The following GPC6 variants were observed in gnomAD, a reference collection of about 807,000 sequenced individuals.
GPC6 encodes the protein glypican 6.
A neutral mutation model predicts 55.2 loss-of-function variants in GPC6; 14 were observed. The ratio of observed to expected loss-of-function variants is 0.25; its 90% CI spans 0.17 to 0.40. The LOEUF (loss-of-function observed/expected upper bound fraction) is 0.40. GPC6 is among the 10% of genes least tolerant of loss of function. GPC6 has a pLI of 1.00. For synonymous variants in GPC6, 278 were observed against 259.6 expected, an observed-to-expected ratio of 1.07 and a Z score of -0.68; for missense variants, 641 against 708.5, an observed-to-expected ratio of 0.90 and a Z score of 1.08.
intron 3 of GPC6, among the ~76,000 whole-genome samples, chr13:93,896,489 G>A (rs1179494282): frequency 6.6e-6 from 1 of 151,944 alleles, no homozygotes; most frequent in Non-Finnish European, 1.5e-5. Context: ...CAAGCAAGAA[G>A]GGAAAAATGA....
intron 2 of GPC6, among the ~76,000 whole-genome samples, chr13:93,608,997 G>A (rs751887735): frequency 6.6e-6 from 1 of 152,102 alleles, no homozygotes; most frequent in Non-Finnish European, 1.5e-5. Context: ...TATTGGTAAA[G>A]GCTGACACAT....
At position 93,966,212 on chromosome 13, in the gene GPC6, A is replaced by G. The variant is rs545813268; in HGVS notation, c.712-61517A>G. Among the ~76,000 whole-genome samples the G allele has an allele frequency of 2.8e-4, 43 of 152,312 alleles. 1 individual carries two copies. In the South Asian group the frequency reaches 5.6e-3, roughly 20 times the overall value. On this transcript the variant is annotated intron_variant, in intron 3 of 8. Coordinates refer to ENST00000377047, the MANE Select transcript of GPC6 (RefSeq NM_005708.5). ...AGTGTCACTGGCTGCAGGCAGGCAA[A>G]CCTGCTTACTCAAATCAACTTGACA...
intron 2 of GPC6, among the ~76,000 whole-genome samples, chr13:93,552,681 T>A (rs1365782989): frequency 6.6e-6 from 1 of 152,198 alleles, no homozygotes; most frequent in Non-Finnish European, 1.5e-5. Context: ...ATCATCTTAT[T>A]ATCACCAATT....
At chr13:94,384,879 C>G (rs1381363240) in intron 7 of GPC6, among the ~76,000 whole-genome samples, 1 of 152,146 alleles carries the variant, frequency 6.6e-6, no homozygotes. Context: ...ATAAAAGCTT[C>G]AGTGGTTCTA....
chr13:94,057,590 T>C (rs1179925463), intron 4 of GPC6, among the ~76,000 whole-genome samples: 8 of 152,094 alleles, frequency 5.3e-5, no homozygotes, highest in Admixed American at 5.2e-4. Flanking sequence ...TATTGGGAAA[T>C]AAAAGAGAGG....
rs370668585 is a variant in GPC6 at position 93,295,660 on chromosome 13, T to C, written c.160+68044T>C. Among the ~76,000 whole-genome samples, 21 of 152,140 alleles carry C rather than the reference T, an allele frequency of 1.4e-4. No individual in the cohort carries two copies. In the East Asian group the frequency reaches 4.1e-3, roughly 30 times the overall value. ...TGCGCTCGGGTAATTTTTTTGTATT[T>C]TTAGTAGAGACGGGGTTTCACTGTG... is the stretch of plus-strand genomic sequence containing the variant. On this transcript the variant is annotated intron_variant, in intron 1 of 8. Coordinates refer to ENST00000377047, the MANE Select transcript of GPC6 (RefSeq NM_005708.5).
At position 94,385,453 on chromosome 13, in the gene GPC6, T is replaced by G. The variant is rs1347380517; in HGVS notation, c.1289+2903T>G. On this transcript the variant is annotated intron_variant, in intron 7 of 8. Coordinates refer to ENST00000377047, the MANE Select transcript of GPC6 (RefSeq NM_005708.5). Reference sequence around the variant, plus strand: ...AAGCCATTGGAAGATTTTATGCAGGTGGGAAAATGATCCAGTTTAATGCAA... The same window carrying G: ...AAGCCATTGGAAGATTTTATGCAGGGGGGAAAATGATCCAGTTTAATGCAA... Among the ~76,000 whole-genome samples, 4 of 152,166 alleles carry G rather than the reference T, an allele frequency of 2.6e-5. No individual in the cohort carries two copies. The East Asian group carries it at 7.7e-4, about 29-fold the overall frequency.
intron 2 of GPC6, among the ~76,000 whole-genome samples, chr13:93,677,959 A>G (rs989132028): frequency 6.6e-6 from 1 of 152,156 alleles, no homozygotes; most frequent in Non-Finnish European, 1.5e-5. Context: ...ATTTATCCAC[A>G]TGGATTAAAA....
At chr13:93,628,058 T>C (rs992170472) in intron 2 of GPC6, among the ~76,000 whole-genome samples, 1 of 152,210 alleles carries the variant, frequency 6.6e-6, no homozygotes, top group Non-Finnish European at 1.5e-5. Flanking sequence ...ACCAAAGAAG[T>C]CTTGCTCCAT....
intron 2 of GPC6, among the ~76,000 whole-genome samples, chr13:93,567,814 G>A (rs1876210025): frequency 6.6e-6 from 1 of 152,082 alleles, no homozygotes; most frequent in Admixed American, 6.6e-5. Context: ...TGCTTTATAA[G>A]CACAGAAATT....
At chr13:94,182,279 G>A (rs1315028407) in intron 4 of GPC6, among the ~76,000 whole-genome samples, 3 of 152,080 alleles carry the variant, frequency 2.0e-5, no homozygotes, top group Non-Finnish European at 4.4e-5. Flanking sequence ...CAGAAAGGCT[G>A]ATATGATGAT....
intron 2 of GPC6, among the ~76,000 whole-genome samples, chr13:93,780,755 C>T (rs1213421493): frequency 6.6e-6 from 1 of 152,060 alleles, no homozygotes; most frequent in Non-Finnish European, 1.5e-5. Flanking sequence ...TTATTTTTAA[C>T]TTTGAACATC....
At chr13:93,332,261 CTTT>C (rs202196621) in intron 1 of GPC6, among the ~76,000 whole-genome samples, 7 of 129,914 alleles carry the variant, frequency 5.4e-5, no homozygotes, top group African/African-American at 2.8e-5. Context: ...TTCTGTTTTT[CTTT>C]TTTTTTTTTT....
intron 2 of GPC6, among the ~76,000 whole-genome samples, chr13:93,764,671 C>T (rs1416228365): frequency 6.6e-6 from 1 of 151,660 alleles, no homozygotes; most frequent in Non-Finnish European, 1.5e-5. Context: ...GTTAACAAAA[C>T]CATTGTGTGA....
chr13:94,135,451 C>A (rs1022516063), intron 4 of GPC6, among the ~76,000 whole-genome samples: 7 of 152,122 alleles, frequency 4.6e-5, no homozygotes, highest in African/African-American at 1.4e-4. Flanking sequence ...TTTTCAGTGT[C>A]TTAATTTTGC....
At chr13:93,652,735 G>A (rs190396071) in intron 2 of GPC6, among the ~76,000 whole-genome samples, 3 of 152,264 alleles carry the variant, frequency 2.0e-5, no homozygotes, top group Non-Finnish European at 2.9e-5. Context: ...GACATGCTGT[G>A]TTTCTGAGTT....
intron 2 of GPC6, among the ~76,000 whole-genome samples, chr13:93,815,522 A>G (rs535023733): frequency 2.2e-3 from 332 of 152,282 alleles, no homozygotes; most frequent in African/African-American, 7.5e-3. Context: ...TACTTTATCA[A>G]ATGATTAAAG....
chr13:93,813,625 T>A (rs1165132625), intron 2 of GPC6, among the ~76,000 whole-genome samples: 3 of 152,108 alleles, frequency 2.0e-5, no homozygotes, highest in Non-Finnish European at 4.4e-5. Context: ...TAAGAATATC[T>A]TGAGGAAAAT....
Position 93,545,216 on chromosome 13 carries a change from C to T in GPC6, c.161-47C>T, listed in dbSNP as rs779967145. 5.9e-6 allele frequency: 9 copies of T among 1,533,204 alleles called. No homozygotes were observed. In the East Asian group the frequency reaches 1.4e-4, roughly 23 times the overall value. The allele number at this position is 1,533,204 out of a possible 1,614,324, so 95.0% of individuals were successfully genotyped here. On this transcript the variant is annotated intron_variant, in intron 1 of 8. Transcript: ENST00000377047. ...AGAGAAGTGAAATCTCTAACGTCTA[C>T]CAAAAGTCCTTAGAATGCAATAGTG...
Sources: allele counts gnomAD v4.1 joint callset (sites outside exome capture counted in the v4.1 genomes callset), GRCh38; gene constraint gnomAD v4.1.1; transcripts MANE v1.5; gene names NCBI Gene and HGNC (gene_info 2026-07-23, HGNC 2026-07-21).